Variants in NAALAD2 observed in about 807,000 individuals in gnomAD.
NAALAD2 encodes N-acetylated alpha-linked acidic dipeptidase 2.
Under a neutral mutation model 95.6 loss-of-function variants are expected in NAALAD2, and 89 were observed. That is an observed-to-expected ratio of 0.93 (90% confidence interval 0.78 to 1.11). The LOEUF is 1.11. Among genes scored for constraint, NAALAD2 ranks in the 50% least tolerant of loss-of-function variants. The pLI is 0.00. For synonymous variants in NAALAD2, 264 were observed against 294.4 expected, an observed-to-expected ratio of 0.90 and a Z score of 1.06; for missense variants, 894 against 872.4, an observed-to-expected ratio of 1.02 and a Z score of -0.31.
intron 16 of NAALAD2, among the ~76,000 whole-genome samples, chr11:90,178,626 G>A (rs983252500): frequency 4.0e-5 from 6 of 151,146 alleles, no homozygotes; most frequent in African/African-American, 9.7e-5. Flanking sequence ...AGCTGAGATC[G>A]CGCCACTGCA....
In NAALAD2 at chr11:90,135,678, T is replaced by C; in HGVS notation, c.194+8T>C. ...CATCAAATCATTTCTTCGGTAAGTT[T>C]ATTTTACGTATTTGATCTTAAAAAT... On this transcript the variant is annotated splice_region_variant and intron_variant, in intron 2 of 18. Transcript: ENST00000534061. The C allele has an allele frequency of 6.3e-7, 1 of 1,594,924 alleles. No homozygotes were observed. Among genetic ancestry groups the C allele is most frequent in the Non-Finnish European group, 8.6e-7 (1 of 1,164,180 alleles).
intron 2 of NAALAD2, among the ~76,000 whole-genome samples, chr11:90,139,764 AT>A (rs1288573431): frequency 3.3e-5 from 5 of 151,966 alleles, no homozygotes; most frequent in African/African-American, 1.2e-4. Flanking sequence ...TAAAAGCTAC[AT>A]TTTCAATACA....
intron 15 of NAALAD2, among the ~76,000 whole-genome samples, chr11:90,176,359 C>T (rs569371932): frequency 2.6e-5 from 4 of 152,264 alleles, no homozygotes; most frequent in Non-Finnish European, 5.9e-5. Flanking sequence ...TGTCAGAAAA[C>T]TCTCATTCTC....
At chr11:90,134,877 T>A (rs766280138) in intron 1 of NAALAD2, 37 bp downstream of exon 1, 84 of 1,599,492 alleles carry the variant, frequency 5.3e-5, no homozygotes, top group Non-Finnish European at 7.1e-5. Flanking sequence ...ACTCCGGGGC[T>A]CGTGATTCTC....
At chr11:90,138,640 C>G (rs1951513749) in intron 2 of NAALAD2, among the ~76,000 whole-genome samples, 1 of 148,484 alleles carries the variant, frequency 6.7e-6, no homozygotes, top group African/African-American at 2.5e-5. Flanking sequence ...TCATCTCCAT[C>G]AAATCGTCTT....
intron 2 of NAALAD2, among the ~76,000 whole-genome samples, chr11:90,144,470 T>C (rs1458295086): frequency 1.3e-5 from 2 of 151,746 alleles, no homozygotes; most frequent in East Asian, 1.9e-4. Flanking sequence ...GCTGGGCACG[T>C]TGGCTCATGC....
rs200132305 is a variant in NAALAD2, at chr11:90,183,013, G to A, written c.2033+5G>A. The A allele has an allele frequency of 6.7e-5, 108 of 1,604,582 alleles. No individual in the cohort carries two copies. The African/African-American group carries it at 1.4e-3, about 20-fold the overall frequency. On this transcript the variant is annotated splice_donor_5th_base_variant and intron_variant, in intron 18 of 18. Transcript: ENST00000534061. ...ACCAGGAAAGCTGTTCTATAGGTAAGGAAACAACAGGCGCCAAATACATCA... is the reference window on the plus strand; with the variant it reads ...ACCAGGAAAGCTGTTCTATAGGTAAAGAAACAACAGGCGCCAAATACATCA...
intron 18 of NAALAD2, among the ~76,000 whole-genome samples, chr11:90,186,349 G>C (rs1309955199): frequency 6.6e-6 from 1 of 152,156 alleles, no homozygotes; most frequent in African/African-American, 2.4e-5. Flanking sequence ...CCCTACAAAA[G>C]ACATGAACTC....
Position 90,168,931 on chromosome 11 carries a change from G to A in NAALAD2, c.1281G>A (p.Glu427=). The change falls in exon 12 of 19, where the codon GAG becomes GAA. Residue 427 remains glutamate (E), a splice_region_variant and synonymous_variant. Transcript: ENST00000534061. ...TAACAACTTTGCTTCAACTACAGGA[G>A]AATGTCAAAATACTCCAGGAGAGAA... ...GLLGSTEWAE[E]NVKILQERSI... 1 of 1,605,802 alleles carries A rather than the reference G, an allele frequency of 6.2e-7. No homozygotes were observed. Among genetic ancestry groups the A allele is most frequent in the Non-Finnish European group, 8.5e-7 (1 of 1,176,306 alleles).
At chr11:90,163,779 C>A in intron 11 of NAALAD2, 162 bp downstream of exon 11, 4 of 744,974 alleles carry the variant, frequency 5.4e-6, no homozygotes, top group South Asian at 5.0e-5. Flanking sequence ...ACTTTCACAT[C>A]AGTTTGGCAA....
intron 2 of NAALAD2, 105 bp from the exon 3 acceptor site, chr11:90,147,225 T>G: frequency 2.3e-6 from 2 of 883,142 alleles, no homozygotes; most frequent in Non-Finnish European, 3.4e-6. Context: ...CATATAGGAA[T>G]GACAACTTAA....
intron 2 of NAALAD2, among the ~76,000 whole-genome samples, chr11:90,141,039 A>G (rs2134831553): frequency 6.6e-6 from 1 of 152,074 alleles, no homozygotes; most frequent in East Asian, 1.9e-4. Context: ...GTCTATTTCT[A>G]GATTCTCTCT....
At chr11:90,144,940 T>A (rs1306116738) in intron 2 of NAALAD2, among the ~76,000 whole-genome samples, 1 of 152,072 alleles carries the variant, frequency 6.6e-6, no homozygotes, top group Non-Finnish European at 1.5e-5. Context: ...CCAGCCACTT[T>A]CTTTTTAACA....
chr11:90,166,574 G>T (rs1443521261), intron 11 of NAALAD2, among the ~76,000 whole-genome samples: 1 of 152,180 alleles, frequency 6.6e-6, no homozygotes, highest in Non-Finnish European at 1.5e-5. Context: ...GGTGGCTCAC[G>T]CCTGTTATCC....
At chr11:90,180,261 C>A (rs745883665) in intron 16 of NAALAD2, among the ~76,000 whole-genome samples, 2 of 152,170 alleles carry the variant, frequency 1.3e-5, no homozygotes, top group Middle Eastern at 6.8e-3. Flanking sequence ...TGACTTCTGT[C>A]CTGCATTTGA....
rs1209263519 is a variant in NAALAD2 at position 90,192,324 on chromosome 11, T to C, written c.*577T>C. The C allele has an allele frequency of 1.3e-5, 2 of 151,994 alleles. No individual in the cohort carries two copies. The highest frequency in any genetic ancestry group is 4.8e-5 in the African/African-American group (2 of 41,424). The allele number at this position is 151,994 out of a possible 1,614,324, so 9.4% of individuals were successfully genotyped here. A position where few individuals can be genotyped will look rare whatever the true frequency, so the allele number is the denominator to read the frequency against. ...GAAGTAACTTTCAATAAATGCAATA[T>C]TATTGGCAGACATTGTTGAAGGAAA... is the stretch of plus-strand genomic sequence containing the variant. On this transcript the variant is annotated 3_prime_UTR_variant, in exon 19 of 19. Coordinates refer to ENST00000534061, the MANE Select transcript of NAALAD2 (RefSeq NM_005467.4).
chr11:90,134,133 A>C (rs568421380), upstream of NAALAD2, among the ~76,000 whole-genome samples: 9 of 152,210 alleles, frequency 5.9e-5, no homozygotes, highest in Non-Finnish European at 1.2e-4. Flanking sequence ...CATTCCAGTG[A>C]GGTAGGTAAA....
chr11:90,159,968 A>C (rs1952245148), intron 8 of NAALAD2, among the ~76,000 whole-genome samples: 1 of 151,580 alleles, frequency 6.6e-6, no homozygotes, highest in Non-Finnish European at 1.5e-5. Flanking sequence ...AAAAAAAAAA[A>C]AAAAAAAACT....
chr11:90,177,481 T>A (rs142050280), intron 15 of NAALAD2, among the ~76,000 whole-genome samples: 4 of 151,444 alleles, frequency 2.6e-5, no homozygotes, highest in African/African-American at 7.3e-5. Flanking sequence ...AATGAGAAAA[T>A]TTTTAAAACC....
Sources: allele counts gnomAD v4.1 joint callset (sites outside exome capture counted in the v4.1 genomes callset), GRCh38; gene constraint gnomAD v4.1.1; transcripts MANE v1.5; gene names NCBI Gene and HGNC (gene_info 2026-07-23, HGNC 2026-07-21).